Variants in NPRL3 observed in about 807,000 individuals in gnomAD.
The protein encoded by NPRL3 is GATOR1 complex protein NPRL3.
A neutral mutation model predicts 57.2 loss-of-function variants in NPRL3; 23 were observed. That is an observed-to-expected ratio of 0.40 (90% CI 0.29 to 0.57). The LOEUF (loss-of-function observed/expected upper bound fraction) is 0.57. Among genes scored for constraint, NPRL3 ranks in the 20% least tolerant of loss-of-function variants. The probability of loss-of-function intolerance (pLI) is 0.42; values close to 1 mark genes in which losing one functional copy is unlikely to be tolerated. For missense variants in NPRL3, 691 were observed against 767.1 expected, an observed-to-expected ratio of 0.90 and a Z score of 1.17; for synonymous variants, 333 against 321.1, an observed-to-expected ratio of 1.04 and a Z score of -0.39.
intron 7 of NPRL3, among the ~76,000 whole-genome samples, chr16:103,296 A>AGTTTTTTTTTTTT (rs1899380401): frequency 4.7e-5 from 2 of 42,126 alleles, no homozygotes; most frequent in South Asian, 1.2e-3. Context: ...GCCTGGGGTG[A>AGTTTTTTTTTTTT]TTTTTTTTTT....
At chr16:91,708 T>G (rs2562179) in intron 11 of NPRL3, among the ~76,000 whole-genome samples, 19,491 of 152,188 alleles carry the variant, frequency 0.13, 2,927 homozygotes, top group African/African-American at 0.37. Flanking sequence ...AGAATCGTTC[T>G]CATTCGTAAT....
At chr16:94,862 CT>C (rs1201620606) in intron 9 of NPRL3, among the ~76,000 whole-genome samples, 2 of 152,162 alleles carry the variant, frequency 1.3e-5, no homozygotes, top group Non-Finnish European at 1.5e-5. Context: ...TGGTCTCCAC[CT>C]CCTGCCTCTC....
intron 7 of NPRL3, among the ~76,000 whole-genome samples, chr16:100,717 C>G (rs1013394393): frequency 6.6e-6 from 1 of 150,842 alleles, no homozygotes; most frequent in South Asian, 2.1e-4. Flanking sequence ...TGCCTGTAAT[C>G]CCAGCACTTT....
chr16:117,214 C>G, intron 5 of NPRL3, 87 bp downstream of exon 5: 1 of 931,070 alleles, frequency 1.1e-6, no homozygotes. Context: ...GTCCAAGCTC[C>G]GAGTCAATGA....
chr16:91,410 C>A (rs927519420), intron 11 of NPRL3, among the ~76,000 whole-genome samples: 3 of 152,148 alleles, frequency 2.0e-5, no homozygotes, highest in Non-Finnish European at 4.4e-5. Flanking sequence ...GAGGGGCTTC[C>A]CAGCACTGGA....
chr16:110,607 C>A lies in NPRL3; in HGVS notation c.548-1G>T. On this transcript the variant is annotated splice_acceptor_variant, in intron 6 of 13. Coordinates refer to ENST00000611875, the MANE Select transcript of NPRL3 (RefSeq NM_001077350.3). LOFTEE classifies it high-confidence loss of function. Reference sequence around the variant, plus strand: ...AATGGGGACTGAGGACCTTCATTTCCTACAAGAATCACAACACAAGATTTA... The same window carrying A: ...AATGGGGACTGAGGACCTTCATTTCATACAAGAATCACAACACAAGATTTA... 6.2e-7 allele frequency: 1 copy of A among 1,605,768 alleles called. No homozygotes were observed.
At chr16:124,627 G>A (rs1900434259) in intron 3 of NPRL3, among the ~76,000 whole-genome samples, 1 of 152,194 alleles carries the variant, frequency 6.6e-6, no homozygotes, top group Non-Finnish European at 1.5e-5. Flanking sequence ...AATTTCACCA[G>A]CTCCAATTCT....
At position 85,426 on chromosome 16, in the gene NPRL3, A is replaced by G; in HGVS notation, c.*1279T>C. ...GGGACGGGGCTTGCGTCTTGCTGCG[A>G]GCACTGGAGCCCCTGGAAGGTCTGG... On this transcript the variant is annotated 3_prime_UTR_variant, in exon 14 of 14. Coordinates refer to ENST00000611875, the MANE Select transcript of NPRL3 (RefSeq NM_001077350.3). 1 of 1,610,082 alleles carries G rather than the reference A, an allele frequency of 6.2e-7. No individual in the cohort carries two copies. The highest frequency in any genetic ancestry group is 8.5e-7 in the Non-Finnish European group (1 of 1,178,168).
At chr16:115,867 G>C (rs1900010772) in intron 5 of NPRL3, among the ~76,000 whole-genome samples, 1 of 152,206 alleles carries the variant, frequency 6.6e-6, no homozygotes, top group African/African-American at 2.4e-5. Flanking sequence ...TTGATGGCAA[G>C]AGGATGGGCC....
At chr16:110,411 A>T (rs543937209) in intron 7 of NPRL3, 114 bp downstream of exon 7, 1 of 740,150 alleles carries the variant, frequency 1.4e-6, no homozygotes, top group Admixed American at 2.3e-5. Flanking sequence ...TGATGCTCAC[A>T]CCCCAGGAGA....
Position 100,407 on chromosome 16 carries a change from G to A in NPRL3, c.732C>T (p.Pro244=), listed in dbSNP as rs1196165192. The part of the protein sequence containing the change: ...KIHYAASSLI[P]PEAIERSLKA... ...TCAGGCTCCGTTCGATGGCCTCTGGGGGGATCAGACTGGAGGCCGCATAGT... is the reference window on the plus strand; with the variant it reads ...TCAGGCTCCGTTCGATGGCCTCTGGAGGGATCAGACTGGAGGCCGCATAGT... The change falls in exon 8 of 14, where the codon CCC becomes CCT. Residue 244 remains proline (P), a synonymous_variant. Transcript: ENST00000611875. The A allele has an allele frequency of 5.6e-6, 9 of 1,601,314 alleles. No homozygotes were observed. The highest frequency in any genetic ancestry group is 1.3e-5 in the African/African-American group (1 of 74,154).
chr16:136,474 G>C (rs944919924), intron 2 of NPRL3, among the ~76,000 whole-genome samples: 8 of 152,128 alleles, frequency 5.3e-5, no homozygotes, highest in African/African-American at 1.9e-4. Flanking sequence ...CGGATCACAA[G>C]GTCAGGAGTT....
intron 11 of NPRL3, 110 bp from the exon 12 acceptor site, chr16:90,012 G>T (rs1171893001): frequency 9.5e-7 from 1 of 1,052,294 alleles, no homozygotes; most frequent in Non-Finnish European, 1.3e-6. Flanking sequence ...CTGTGCTGAC[G>T]CACAGGCAGA....
At chr16:124,204 G>A (rs1422403973) in intron 3 of NPRL3, among the ~76,000 whole-genome samples, 1 of 152,216 alleles carries the variant, frequency 6.6e-6, no homozygotes, top group East Asian at 1.9e-4. Flanking sequence ...CTCACTAAAA[G>A]TCAAATTCTC....
intron 7 of NPRL3, among the ~76,000 whole-genome samples, chr16:106,127 G>A (rs1471618783): frequency 6.6e-6 from 1 of 151,960 alleles, no homozygotes; most frequent in East Asian, 1.9e-4. Context: ...TGGCCAACAT[G>A]GTGAAACTCC....
chr16:86,737 C>A lies in NPRL3; in HGVS notation c.1678G>T (p.Val560Phe), dbSNP rs752181668. The change falls in exon 14 of 14, where the codon GTC (valine) becomes TTC (phenylalanine). Residue 560 changes from valine (V) to phenylalanine (F), a missense_variant. Transcript: ENST00000611875. ...VLVVTTHEDP[V>F]IAVFQALLP ...AGCAGAGCCTGGAAGACGGCAATGA[C>A]AGGGTCCTCGTGGGTGGTCACCACC... 1.5e-5 allele frequency: 24 copies of A among 1,571,676 alleles called. No homozygotes were observed. The highest frequency in any genetic ancestry group is 5.7e-5 in the Admixed American group (3 of 52,660).
Position 119,144 on chromosome 16 carries a change from TAGC to T in NPRL3, c.297_299del (p.Leu100del). ...GCCATACCTGCCCCAGAGCATGCTG[TAGC>T]AGTGTTGGGTGCCCAACAAATCGCA... On this transcript the variant is annotated inframe_deletion, in exon 4 of 14. Coordinates refer to ENST00000611875, the MANE Select transcript of NPRL3 (RefSeq NM_001077350.3). 6.2e-7 allele frequency: 1 copy of T among 1,613,658 alleles called. No homozygotes were observed. The highest frequency in any genetic ancestry group is 8.5e-7 in the Non-Finnish European group (1 of 1,179,730).
chr16:97,114 ACAGGCACCACCTGCTCCCACCCT>A (rs1194645453), intron 9 of NPRL3, among the ~76,000 whole-genome samples: 1 of 152,172 alleles, frequency 6.6e-6, no homozygotes, highest in Non-Finnish European at 1.5e-5. Context: ...GGCGCCACCC[ACAGGCACCACCTGCTCCCACCCT>A]CAGGCAGTAT....
At chr16:110,483 G>T in intron 7 of NPRL3, 42 bp downstream of exon 7, 2 of 1,523,034 alleles carry the variant, frequency 1.3e-6, no homozygotes, top group Non-Finnish European at 1.8e-6. Flanking sequence ...AGGCAGGCTG[G>T]CCCATAAGAA....
Sources: gnomAD v4.1 joint callset for allele counts (sites outside exome capture counted in the v4.1 genomes callset) on GRCh38, gnomAD v4.1.1 for gene constraint, MANE v1.5 for transcripts, NCBI Gene and HGNC (gene_info 2026-07-23, HGNC 2026-07-21) for gene names.